The following ZGPAT variants were observed in gnomAD, a reference collection of about 807,000 sequenced individuals.
The protein encoded by ZGPAT is zinc finger CCCH-type and G-patch domain containing.
ZGPAT carries 39 observed loss-of-function variants against 47.9 expected under a neutral mutation model. The observed-to-expected ratio is 0.81, with a 90% confidence interval of 0.63 to 1.06. ZGPAT has a LOEUF of 1.06. Among genes scored for constraint, ZGPAT ranks in the 50% least tolerant of loss-of-function variants. The pLI, the probability that ZGPAT is intolerant of heterozygous loss-of-function variation, is 0.00. For missense variants in ZGPAT, 717 were observed against 681.4 expected (o/e 1.05, Z -0.58); for synonymous variants, 348 against 292.9 (o/e 1.19, Z -1.92).
intron 2 of ZGPAT, among the ~76,000 whole-genome samples, chr20:63,732,901 T>G (rs1204728819): frequency 6.6e-6 from 1 of 151,844 alleles, no homozygotes; most frequent in Non-Finnish European, 1.5e-5. Context: ...TACGTGTGTA[T>G]ATGCATGTGT....
At chr20:63,732,457 TTGTG>T (rs1177974002) in intron 2 of ZGPAT, among the ~76,000 whole-genome samples, 1 of 56,980 alleles carries the variant, frequency 1.8e-5, no homozygotes, top group Non-Finnish European at 3.6e-5. Context: ...GTAAGGGTGC[TTGTG>T]TGCGCATGTG....
chr20:63,734,906 C>T (rs988538827), intron 5 of ZGPAT, 82 bp downstream of exon 5: 37 of 1,467,926 alleles, frequency 2.5e-5, no homozygotes, highest in South Asian at 7.0e-5. Flanking sequence ...CCCGGGGTCC[C>T]GCAGCCATCG....
At position 63,724,765 on chromosome 20, in the gene ZGPAT, C is replaced by G. The variant is rs993808411; in HGVS notation, c.585-8454C>G. 2.6e-5 allele frequency among the ~76,000 whole-genome samples: 4 copies of G among 151,230 alleles called. No individual in the cohort carries two copies. The East Asian group carries it at 7.7e-4, about 29-fold the overall frequency. ...CTCAGATCACTGCAACCTCTGCCTC[C>G]CTGGTTAGAGTGATTTTCCTGCCTC... On this transcript the variant is annotated intron_variant, in intron 2 of 6. Coordinates refer to ENST00000355969, the MANE Select transcript of ZGPAT (RefSeq NM_181485.3).
chr20:63,708,487 GT>G, intron 1 of ZGPAT, 65 bp from the exon 2 acceptor site: 6 of 1,220,246 alleles, frequency 4.9e-6, no homozygotes, highest in Non-Finnish European at 6.8e-6. Flanking sequence ...GCCCGTGCCC[GT>G]GCCCGCCCTC....
At chr20:63,711,747 C>G (rs569472853) in intron 2 of ZGPAT, among the ~76,000 whole-genome samples, 31 of 152,150 alleles carry the variant, frequency 2.0e-4, no homozygotes, top group Admixed American at 2.0e-4. Context: ...CACGTGGTGC[C>G]CAGCTAATTT....
rs775466771 is a variant in ZGPAT, at chr20:63,709,130, C to T, written c.550C>T (p.Leu184=). The T allele has an allele frequency of 1.2e-6, 2 of 1,612,536 alleles. No individual in the cohort carries two copies. Among genetic ancestry groups the T allele is most frequent in the South Asian group, 1.1e-5 (1 of 91,086 alleles). The change falls in exon 2 of 7, where the codon CTG becomes TTG. Residue 184 remains leucine, a synonymous_variant. Coordinates refer to ENST00000355969, the MANE Select transcript of ZGPAT (RefSeq NM_181485.3). ...GTCTCTGAAGCCGTGCCCGTTCTTC[C>T]TGGAGGGAAAGTGCCGCTTTAAGGA... The part of the protein sequence containing the change: ...HKSLKPCPFF[L]EGKCRFKENC...
At chr20:63,730,958 CTCTCTCTCTCTCTGTG>C (rs1300028411) in intron 2 of ZGPAT, among the ~76,000 whole-genome samples, 6 of 99,918 alleles carry the variant, frequency 6.0e-5, no homozygotes, top group African/African-American at 2.9e-4. Flanking sequence ...CTCTCTCTCT[CTCTCTCTCTCTCTGTG>C]TGTGTGTGTG....
chr20:63,726,883 A>C (rs2091850662), intron 2 of ZGPAT, among the ~76,000 whole-genome samples: 1 of 152,180 alleles, frequency 6.6e-6, no homozygotes, highest in Non-Finnish European at 1.5e-5. Context: ...TGGAGGATAC[A>C]GAGATTTCAC....
At chr20:63,712,031 T>C (rs1204701893) in intron 2 of ZGPAT, among the ~76,000 whole-genome samples, 1 of 152,260 alleles carries the variant, frequency 6.6e-6, no homozygotes, top group Non-Finnish European at 1.5e-5. Flanking sequence ...TGCAATTTAT[T>C]GTTTCTTTAT....
intron 1 of ZGPAT, chr20:63,708,332 C>G (rs2091595289): frequency 3.2e-6 from 1 of 312,810 alleles, no homozygotes; most frequent in South Asian, 1.1e-4. Context: ...GGAAGGGGCT[C>G]CGGAGTGACG....
chr20:63,721,355 T>TAAA (rs201321716), intron 2 of ZGPAT, among the ~76,000 whole-genome samples: 2 of 112,230 alleles, frequency 1.8e-5, no homozygotes, highest in South Asian at 2.7e-4. Flanking sequence ...CTGTCTCAAA[T>TAAA]AAAAAAAAAA....
chr20:63,735,556 C>T lies in ZGPAT; in HGVS notation c.1389C>T (p.Asn463=), dbSNP rs766098881. 50 of 1,514,408 alleles carry T rather than the reference C, an allele frequency of 3.3e-5. No homozygotes were observed. Among genetic ancestry groups the T allele is most frequent in the Admixed American group, 6.8e-5 (3 of 44,402 alleles). The allele number at this position is 1,514,408 out of a possible 1,614,324, so 93.8% of individuals were successfully genotyped here. ...GCATCCAGGAGGCTCTCGCCCGCAACGCTGGCCGGTACGTGTGGGGCCCAG... is the reference window on the plus strand; with the variant it reads ...GCATCCAGGAGGCTCTCGCCCGCAATGCTGGCCGGTACGTGTGGGGCCCAG... ...IRSIQEALAR[N]AGRHSVASAQ... is the part of the protein sequence containing the mutation. Residue 463 remains asparagine, a synonymous_variant, in exon 6 of 7, where the codon AAC becomes AAT. Transcript: ENST00000355969.
intron 5 of ZGPAT, 67 bp downstream of exon 5, chr20:63,734,891 AGGTTCCCGGGGTCCCGCAGCCATCG>A: frequency 4.0e-6 from 6 of 1,498,206 alleles, no homozygotes; most frequent in Admixed American, 2.4e-5. Flanking sequence ...AGCAGCCATC[AGGTTCCCGGGGTCCCGCAGCCATCG>A]GGTTCCCAGG....
At chr20:63,722,364 C>T (rs2091797450) in intron 2 of ZGPAT, among the ~76,000 whole-genome samples, 2 of 152,138 alleles carry the variant, frequency 1.3e-5, no homozygotes, top group Admixed American at 1.3e-4. Context: ...GAGGTTTTGA[C>T]AGTTTAATAG....
intron 2 of ZGPAT, among the ~76,000 whole-genome samples, chr20:63,731,927 T>A (rs1218299794): frequency 6.6e-6 from 1 of 152,242 alleles, no homozygotes; most frequent in Non-Finnish European, 1.5e-5. Context: ...CGTGGGAAGA[T>A]GTGCGTAGGT....
intron 2 of ZGPAT, among the ~76,000 whole-genome samples, chr20:63,731,098 T>TACACACCC (rs1262674927): frequency 1.3e-5 from 2 of 152,090 alleles, no homozygotes; most frequent in Non-Finnish European, 2.9e-5. Context: ...GTCATGCACA[T>TACACACCC]ACACACCCCC....
rs546122745 is a variant in ZGPAT, at chr20:63,719,311, A to G, written c.584+10147A>G. 8.5e-5 allele frequency among the ~76,000 whole-genome samples: 13 copies of G among 152,306 alleles called. No homozygotes were observed. The South Asian group carries it at 2.3e-3, about 27-fold the overall frequency. On this transcript the variant is annotated intron_variant, in intron 2 of 6. Transcript: ENST00000355969. ...TGTGTAAATTCATGTCTTTCATTAAATTTGCAAAGTTTCAGCTACTATTCT... is the reference window on the plus strand; with the variant it reads ...TGTGTAAATTCATGTCTTTCATTAAGTTTGCAAAGTTTCAGCTACTATTCT...
Position 63,725,085 on chromosome 20 carries a change from C to T in ZGPAT, c.585-8134C>T, listed in dbSNP as rs185384352. Among the ~76,000 whole-genome samples, 868 of 150,712 alleles carry T rather than the reference C, an allele frequency of 5.8e-3. 9 individuals carry two copies. Among genetic ancestry groups the T allele is most frequent in the African/African-American group, 0.02 (818 of 41,032 alleles). ...CTGCGAGCTCCGCCTCCCGGGTTCACGCCATTCTCCTGCCTCAGCCTCCCG... is the reference window on the plus strand; with the variant it reads ...CTGCGAGCTCCGCCTCCCGGGTTCATGCCATTCTCCTGCCTCAGCCTCCCG... On this transcript the variant is annotated intron_variant, in intron 2 of 6. Transcript: ENST00000355969.
intron 2 of ZGPAT, among the ~76,000 whole-genome samples, chr20:63,712,482 G>A (rs1052921169): frequency 6.6e-6 from 1 of 152,174 alleles, no homozygotes; most frequent in Non-Finnish European, 1.5e-5. Flanking sequence ...TGGATCCTTT[G>A]CAATTTCATA....
Sources: gnomAD v4.1 joint callset for allele counts (sites outside exome capture counted in the v4.1 genomes callset) on GRCh38, gnomAD v4.1.1 for gene constraint, MANE v1.5 for transcripts, NCBI Gene and HGNC (gene_info 2026-07-23, HGNC 2026-07-21) for gene names.